Variants in RABGEF1 observed in about 807,000 individuals in gnomAD.
The protein encoded by RABGEF1 is RAB guanine nucleotide exchange factor 1, also known as rab5 GDP/GTP exchange factor.
Under a neutral mutation model 57.3 loss-of-function variants are expected in RABGEF1, and 26 were observed. The ratio of observed to expected loss-of-function variants is 0.45; its 90% CI spans 0.33 to 0.63. The LOEUF (loss-of-function observed/expected upper bound fraction) is 0.63, where lower values mean the gene tolerates loss of function less well. Among genes scored for constraint, RABGEF1 ranks in the 20% least tolerant of loss-of-function variants. The pLI, the probability that RABGEF1 is intolerant of heterozygous loss-of-function variation, is 0.02. For missense variants in RABGEF1, 464 were observed against 607.6 expected (o/e 0.76, Z 2.48); for synonymous variants, 185 against 210.7 (o/e 0.88, Z 1.06).
At chr7:66,784,890 C>T (rs1208770655) in intron 4 of RABGEF1, among the ~76,000 whole-genome samples, 2 of 151,504 alleles carry the variant, frequency 1.3e-5, no homozygotes, top group East Asian at 3.9e-4. Flanking sequence ...TGATAGATAT[C>T]CTTAATATGG....
At chr7:66,684,554 A>G (rs542870968) in intron 1 of RABGEF1, among the ~76,000 whole-genome samples, 2 of 152,308 alleles carry the variant, frequency 1.3e-5, no homozygotes, top group East Asian at 3.9e-4. Context: ...ACCCAGGCTT[A>G]AGTGATTCTC....
intron 1 of RABGEF1, among the ~76,000 whole-genome samples, chr7:66,695,889 C>A (rs1159518066): frequency 6.6e-6 from 1 of 151,708 alleles, no homozygotes; most frequent in Non-Finnish European, 1.5e-5. Flanking sequence ...TCACTTACAT[C>A]TGGGAGTCGG....
intron 1 of RABGEF1, among the ~76,000 whole-genome samples, chr7:66,710,129 G>A (rs1358026361): frequency 6.6e-6 from 1 of 152,124 alleles, no homozygotes; most frequent in Non-Finnish European, 1.5e-5. Flanking sequence ...TCATATAAAT[G>A]AAATCATTTA....
At chr7:66,674,346 C>T in the RABGEF1 span, among the ~76,000 whole-genome samples, 1 of 152,088 alleles carries the variant, frequency 6.6e-6, no homozygotes, top group South Asian at 2.1e-4. Flanking sequence ...CCCACCACCA[C>T]ACCTGGCTGA....
At chr7:66,682,782 C>G (rs1466965246) in intron 1 of RABGEF1, among the ~76,000 whole-genome samples, 1 of 152,200 alleles carries the variant, frequency 6.6e-6, no homozygotes, top group Non-Finnish European at 1.5e-5. Context: ...GGATTTGAAG[C>G]CTATGGTCCT....
At chr7:66,784,545 C>G (rs1382787903) in intron 4 of RABGEF1, among the ~76,000 whole-genome samples, 1 of 152,180 alleles carries the variant, frequency 6.6e-6, no homozygotes, top group African/African-American at 2.4e-5. Context: ...AACCATTAAA[C>G]TCAGAATTAG....
At chr7:66,771,822 G>T in intron 1 of RABGEF1, 61 bp from the exon 2 acceptor site, 1 of 1,234,552 alleles carries the variant, frequency 8.1e-7, no homozygotes, top group Admixed American at 3.1e-5. Flanking sequence ...GTTCATAATT[G>T]GTAAGATTTT....
chr7:66,761,719 G>A (rs1043291177), intron 1 of RABGEF1, among the ~76,000 whole-genome samples: 2 of 152,174 alleles, frequency 1.3e-5, no homozygotes, highest in African/African-American at 4.8e-5. Context: ...GTAGGAGAAA[G>A]AGAGGCTGCC....
chr7:66,802,971 G>A (rs1013195612), intron 7 of RABGEF1, among the ~76,000 whole-genome samples: 14 of 151,970 alleles, frequency 9.2e-5, no homozygotes. Context: ...ACCAATAAAA[G>A]GTAGAAGGCT....
the RABGEF1 span, among the ~76,000 whole-genome samples, chr7:66,664,074 A>G: frequency 3.3e-5 from 5 of 150,776 alleles, no homozygotes; most frequent in South Asian, 1.0e-3. Context: ...TTCGTCTCAA[A>G]AAGAAAAAAA....
At chr7:66,707,405 A>G (rs775709985) in intron 1 of RABGEF1, among the ~76,000 whole-genome samples, 8 of 152,116 alleles carry the variant, frequency 5.3e-5, no homozygotes, top group Non-Finnish European at 1.0e-4. Context: ...TATTATTAAA[A>G]ATGAAGGCCA....
At chr7:66,712,913 C>T (rs767007522) in intron 2 of RABGEF1, among the ~76,000 whole-genome samples, 5 of 151,438 alleles carry the variant, frequency 3.3e-5, no homozygotes, top group Non-Finnish European at 5.9e-5. Context: ...CTCCCAGGTT[C>T]AAGTCATCCT....
At chr7:66,752,265 G>A (rs1212384564) in intron 1 of RABGEF1, among the ~76,000 whole-genome samples, 1 of 151,978 alleles carries the variant, frequency 6.6e-6, no homozygotes, top group Non-Finnish European at 1.5e-5. Context: ...AGTCCGAGGT[G>A]GACGGATCAC....
chr7:66,703,501 T>G lies in RABGEF1; in HGVS notation c.-872-8666T>G, dbSNP rs574233375. Among the ~76,000 whole-genome samples the G allele has an allele frequency of 3.9e-5, 6 of 152,342 alleles. No individual in the cohort carries two copies. In the East Asian group the frequency reaches 1.2e-3, roughly 29 times the overall value. Reference sequence around the variant, plus strand: ...ATGAGGTGGGGTAAAGGTCTAACTTTATTTTTTGGCATGTGGACATCCAGT... The same window carrying G: ...ATGAGGTGGGGTAAAGGTCTAACTTGATTTTTTGGCATGTGGACATCCAGT... On this transcript the variant is annotated intron_variant and NMD_transcript_variant, in intron 1 of 9. Coordinates refer to the RABGEF1 transcript ENST00000607882.
At chr7:66,751,021 C>T (rs1400911641) in intron 1 of RABGEF1, among the ~76,000 whole-genome samples, 1 of 150,574 alleles carries the variant, frequency 6.6e-6, no homozygotes, top group East Asian at 2.0e-4. Flanking sequence ...TTATGTTTTC[C>T]CTCTTTTTTT....
At chr7:66,769,183 G>A (rs1299580003) in intron 1 of RABGEF1, among the ~76,000 whole-genome samples, 5 of 152,154 alleles carry the variant, frequency 3.3e-5, no homozygotes, top group African/African-American at 1.2e-4. Context: ...TAGACAGCTG[G>A]GTGATACTTC....
chr7:66,806,804 C>T (rs188855977), intron 8 of RABGEF1, among the ~76,000 whole-genome samples: 1 of 151,940 alleles, frequency 6.6e-6, no homozygotes, highest in East Asian at 1.9e-4. Flanking sequence ...TCACCATGCC[C>T]GGCTAATGTT....
chr7:66,670,957 G>T, the RABGEF1 span, among the ~76,000 whole-genome samples: 1 of 150,422 alleles, frequency 6.6e-6, no homozygotes, highest in East Asian at 1.9e-4. Context: ...GCTTCCACTG[G>T]TCTTACTTAA....
At chr7:66,723,528 C>G (rs1796269724) in intron 2 of RABGEF1, among the ~76,000 whole-genome samples, 1 of 152,144 alleles carries the variant, frequency 6.6e-6, no homozygotes, top group Non-Finnish European at 1.5e-5. Context: ...AAGTTATAAA[C>G]CCCACAATAC....
Sources: gnomAD v4.1 joint callset for allele counts (sites outside exome capture counted in the v4.1 genomes callset) on GRCh38, gnomAD v4.1.1 for gene constraint, MANE v1.5 for transcripts, NCBI Gene and HGNC (gene_info 2026-07-23, HGNC 2026-07-21) for gene names.